Variants in HDAC9 observed in about 807,000 individuals in gnomAD.
HDAC9 encodes MEF-2 interacting transcription repressor (MITR) protein.
In HDAC9, 41 loss-of-function variants were observed where a neutral mutation model predicts 139.4. The ratio of observed to expected loss-of-function variants is 0.29; its 90% CI spans 0.23 to 0.38. The LOEUF (loss-of-function observed/expected upper bound fraction) is 0.38, where lower values mean the gene tolerates loss of function less well. HDAC9 is among the 10% of genes least tolerant of loss of function. HDAC9 has a pLI of 1.00. For synonymous variants in HDAC9, 517 were observed against 476.2 expected, an observed-to-expected ratio of 1.09 and a Z score of -1.12; for missense variants, 1,147 against 1,297.0, an observed-to-expected ratio of 0.88 and a Z score of 1.78.
chr7:18,454,505 C>G (rs966415048), intron 1 of HDAC9, among the ~76,000 whole-genome samples: 1 of 151,858 alleles, frequency 6.6e-6, no homozygotes, highest in Non-Finnish European at 1.5e-5. Flanking sequence ...GAAGTCAAAC[C>G]CAAGTACTTG....
intron 22 of HDAC9, among the ~76,000 whole-genome samples, chr7:18,883,240 T>A (rs1431916651): frequency 6.6e-6 from 1 of 152,112 alleles, no homozygotes; most frequent in East Asian, 1.9e-4. Context: ...TTTAGTTAAC[T>A]GACAGTTAAC....
At chr7:18,496,345 T>G in intron 2 of HDAC9, 21 bp downstream of exon 2, 12 of 1,609,176 alleles carry the variant, frequency 7.5e-6, no homozygotes, top group Non-Finnish European at 9.4e-6. Flanking sequence ...CTTTCATAAC[T>G]GAGACGTTTT....
Position 18,793,261 on chromosome 7 carries a change from C to A in HDAC9, c.2215-84C>A, listed in dbSNP as rs563992995. ...TCTCTCTGTCCCTCTTCCCCTGCGA[C>A]CTCTTCCCCTTTTACCCCTTTCATC... is the stretch of plus-strand genomic sequence containing the variant. On this transcript the variant is annotated intron_variant, in intron 16 of 25. Transcript: ENST00000686413. 18 of 908,950 alleles carry A rather than the reference C, an allele frequency of 2.0e-5. 1 individual carries two copies. In the South Asian group the frequency reaches 2.5e-4, roughly 13 times the overall value. 56.3% of individuals were successfully genotyped at this position (908,950 alleles called of 1,614,324 possible).
chr7:18,239,354 A>G (rs1223569451), intron 2 of HDAC9, among the ~76,000 whole-genome samples: 1 of 152,194 alleles, frequency 6.6e-6, no homozygotes, highest in Non-Finnish European at 1.5e-5. Flanking sequence ...CTTGTCTGAC[A>G]TTCTGACTTG....
intron 22 of HDAC9, among the ~76,000 whole-genome samples, chr7:18,930,411 A>C (rs1376335553): frequency 6.6e-6 from 1 of 152,056 alleles, no homozygotes; most frequent in Non-Finnish European, 1.5e-5. Context: ...GAAACTTGCA[A>C]TCATGCCTAC....
chr7:18,107,853 A>C (rs1010729380), intron 1 of HDAC9, among the ~76,000 whole-genome samples: 1 of 152,242 alleles, frequency 6.6e-6, no homozygotes, highest in Non-Finnish European at 1.5e-5. Flanking sequence ...AAATGTGATT[A>C]TACTTAGTTA....
intron 23 of HDAC9, chr7:18,949,176 A>G (rs751548750): frequency 1.2e-5 from 3 of 257,628 alleles, no homozygotes; most frequent in Non-Finnish European, 1.5e-5. Flanking sequence ...TTTTTGTGCA[A>G]TTTTGGCTGG....
Position 18,507,254 on chromosome 7 carries a change from G to A in HDAC9, c.22+10930G>A, listed in dbSNP as rs554798614. 4.2e-3 allele frequency among the ~76,000 whole-genome samples: 629 copies of A among 149,826 alleles called. 3 individuals carry two copies. The highest frequency in any genetic ancestry group is 0.015 in the African/African-American group (599 of 40,830). ...CGCCCAGGCTGGAGTGCAGTGGCGC[G>A]ATCTCGGCTCACTGCAAGCTCCACC... On this transcript the variant is annotated intron_variant, in intron 2 of 25. Coordinates refer to ENST00000686413, the MANE Select transcript of HDAC9 (RefSeq NM_178425.4).
Position 18,795,147 on chromosome 7 carries a change from C to G in HDAC9, c.2322+1695C>G, listed in dbSNP as rs1272710852. On this transcript the variant is annotated intron_variant, in intron 17 of 25. Transcript: ENST00000686413. ...CACATAGTATGGGCATGCTGACCAC[C>G]AGCTGTAGTAACATCAGGTATTTAT... Among the ~76,000 whole-genome samples the G allele has an allele frequency of 2.0e-5, 3 of 151,382 alleles. 1 individual carries two copies. Among genetic ancestry groups the G allele is most frequent in the Non-Finnish European group, 4.4e-5 (3 of 67,970 alleles).
At chr7:18,553,952 G>C (rs1817932825) in intron 2 of HDAC9, among the ~76,000 whole-genome samples, 1 of 152,064 alleles carries the variant, frequency 6.6e-6, no homozygotes, top group African/African-American at 2.4e-5. Context: ...AGGGAGGGTG[G>C]GACACTATTG....
intron 1 of HDAC9, among the ~76,000 whole-genome samples, chr7:18,361,063 T>C (rs2128689143): frequency 6.6e-6 from 1 of 152,336 alleles, no homozygotes; most frequent in South Asian, 2.1e-4. Flanking sequence ...TCTCCTCTTC[T>C]GAGAATTATA....
chr7:18,638,551 A>G (rs1784590618), intron 8 of HDAC9, among the ~76,000 whole-genome samples: 1 of 152,070 alleles, frequency 6.6e-6, no homozygotes, highest in Non-Finnish European at 1.5e-5. Context: ...TTCCTGATCT[A>G]GGAGAAGGTA....
chr7:18,147,185 C>G (rs1431113055), intron 1 of HDAC9, among the ~76,000 whole-genome samples: 1 of 151,982 alleles, frequency 6.6e-6, no homozygotes, highest in Non-Finnish European at 1.5e-5. Flanking sequence ...TTGTAAATAC[C>G]CGCTTGCAAA....
intron 1 of HDAC9, among the ~76,000 whole-genome samples, chr7:18,329,338 T>A (rs1800721054): frequency 6.6e-6 from 1 of 151,738 alleles, no homozygotes; most frequent in Non-Finnish European, 1.5e-5. Context: ...ATATGGTAAG[T>A]TGGTGAGTTG....
chr7:18,260,178 G>A (rs1795555806), intron 2 of HDAC9, among the ~76,000 whole-genome samples: 1 of 152,040 alleles, frequency 6.6e-6, no homozygotes, highest in African/African-American at 2.4e-5. Flanking sequence ...GTTCCCAATG[G>A]CTGCCTTTTA....
chr7:18,836,567 A>G (rs907175429), intron 21 of HDAC9, among the ~76,000 whole-genome samples: 1 of 152,164 alleles, frequency 6.6e-6, no homozygotes, highest in Admixed American at 6.6e-5. Flanking sequence ...AACAAAATCT[A>G]CAAAATGTAA....
At chr7:18,893,026 A>G (rs1800821005) in intron 22 of HDAC9, among the ~76,000 whole-genome samples, 1 of 103,460 alleles carries the variant, frequency 9.7e-6, no homozygotes, top group Non-Finnish European at 2.0e-5. Context: ...CAAGTAGGTA[A>G]TAGGCCGAAA....
rs541149839 is a variant in HDAC9, at chr7:18,141,020, A to G, written c.-96-21209A>G. ...TTTTATTTAGGATAAACTGGCCTCT[A>G]TGAAAACAAGCATCTTCAGCTTTTG... On this transcript the variant is annotated intron_variant, in intron 1 of 12. Coordinates refer to the HDAC9 transcript ENST00000417496. Among the ~76,000 whole-genome samples the G allele has an allele frequency of 2.4e-3, 361 of 152,064 alleles. 1 individual carries two copies. The highest frequency in any genetic ancestry group is 3.8e-3 in the Non-Finnish European group (257 of 68,010).
chr7:18,882,787 G>A lies in HDAC9; in HGVS notation c.2803+8191G>A, dbSNP rs1187956690. ...ATTCTAAATATTCAGTGAAAGTCTG[G>A]GTGTTTAGATGATATATTTGAGCAC... On this transcript the variant is annotated intron_variant, in intron 22 of 25. Transcript: ENST00000686413. Among the ~76,000 whole-genome samples, 6 of 151,894 alleles carry A rather than the reference G, an allele frequency of 4.0e-5. No homozygotes were observed. In the East Asian group the frequency reaches 1.2e-3, roughly 29 times the overall value.
Sources: gnomAD v4.1 joint callset for allele counts (sites outside exome capture counted in the v4.1 genomes callset) on GRCh38, gnomAD v4.1.1 for gene constraint, MANE v1.5 for transcripts, NCBI Gene and HGNC (gene_info 2026-07-23, HGNC 2026-07-21) for gene names.